Variants in TPRG1 observed in about 807,000 individuals in gnomAD.
The protein encoded by TPRG1 is tumor protein p63 regulated 1, also known as tumor protein p63-regulated gene 1 protein.
In TPRG1, 29 loss-of-function variants were observed where a neutral mutation model predicts 29.3. The observed-to-expected ratio is 0.99, with a 90% CI of 0.74 to 1.35. TPRG1 has a LOEUF of 1.35. Ranked by LOEUF, TPRG1 falls within the 40% of genes most tolerant of loss-of-function variation. The probability of loss-of-function intolerance (pLI) is 0.00; values close to 1 mark genes in which losing one functional copy is unlikely to be tolerated. For synonymous variants in TPRG1, 130 were observed against 116.8 expected, an observed-to-expected ratio of 1.11 and a Z score of -0.73; for missense variants, 327 against 335.0, an observed-to-expected ratio of 0.98 and a Z score of 0.19.
chr3:189,041,760 G>A (rs1030634338), intron 4 of TPRG1, among the ~76,000 whole-genome samples: 2 of 152,186 alleles, frequency 1.3e-5, no homozygotes, highest in Admixed American at 6.5e-5. Flanking sequence ...AAGTGGAGGC[G>A]AAGGGTTGGG....
intron 1 of TPRG1, chr3:189,123,546 T>C (rs1271230424): frequency 6.6e-6 from 1 of 152,196 alleles, no homozygotes. Flanking sequence ...AACAAAATGC[T>C]TTCTCTTCCT....
At chr3:189,065,751 A>G (rs1483337984) in intron 4 of TPRG1, among the ~76,000 whole-genome samples, 1 of 152,128 alleles carries the variant, frequency 6.6e-6, no homozygotes, top group East Asian at 1.9e-4. Flanking sequence ...GTCTGAGAAC[A>G]AGGCAAGGAT....
At chr3:189,226,399 A>G (rs1456118647) in intron 3 of TPRG1, among the ~76,000 whole-genome samples, 1 of 152,226 alleles carries the variant, frequency 6.6e-6, no homozygotes, top group African/African-American at 2.4e-5. Flanking sequence ...ACACTCGGAA[A>G]TTAAACATAC....
chr3:189,277,745 G>T (rs977512002), intron 4 of TPRG1, among the ~76,000 whole-genome samples: 2 of 152,166 alleles, frequency 1.3e-5, no homozygotes, highest in Non-Finnish European at 2.9e-5. Context: ...ATCAATCCAT[G>T]AATTCAAATG....
intron 4 of TPRG1, among the ~76,000 whole-genome samples, chr3:189,262,237 T>TAAGTATAAGTATAA (rs770339129): frequency 7.9e-5 from 12 of 151,796 alleles, no homozygotes; most frequent in Non-Finnish European, 1.6e-4. Context: ...AGTATAAGTA[T>TAAGTATAAGTATAA]AAGTATAAGT....
chr3:189,306,387 G>A (rs1300683988), intron 4 of TPRG1, among the ~76,000 whole-genome samples: 1 of 152,166 alleles, frequency 6.6e-6, no homozygotes, highest in African/African-American at 2.4e-5. Context: ...TTGATGGAAA[G>A]CAGAAGCTGA....
At position 189,017,582 on chromosome 3, in the gene TPRG1, G is replaced by C. The variant is rs970556143; in HGVS notation, c.-659-6168G>C. ...ACTCATCATTTTTTATGGCTGCATA[G>C]TATTCCATGGTGTATATGTGCCACA... On this transcript the variant is annotated intron_variant, in intron 3 of 10. Coordinates refer to the TPRG1 transcript ENST00000433971. Among the ~76,000 whole-genome samples, 47 of 152,268 alleles carry C rather than the reference G, an allele frequency of 3.1e-4. 2 individuals are homozygous for C. Among genetic ancestry groups the C allele is most frequent in the African/African-American group, 7.7e-4 (32 of 41,546 alleles).
chr3:189,089,386 T>G (rs553373971), intron 4 of TPRG1, among the ~76,000 whole-genome samples: 1 of 152,354 alleles, frequency 6.6e-6, no homozygotes, highest in South Asian at 2.1e-4. Flanking sequence ...TTGTCTAGAT[T>G]TTCAAATTTA....
At chr3:189,219,491 C>T in intron 3 of TPRG1, 1 of 835,892 alleles carries the variant, frequency 1.2e-6, no homozygotes, top group Non-Finnish European at 1.6e-6. Context: ...CTTGCAGTTT[C>T]CTATTACCTT....
intron 4 of TPRG1, among the ~76,000 whole-genome samples, chr3:189,297,316 G>A (rs1720109999): frequency 6.6e-6 from 1 of 152,088 alleles, no homozygotes; most frequent in African/African-American, 2.4e-5. Context: ...TTCCTGTCTT[G>A]CAATCAGGTA....
chr3:189,251,770 C>T (rs1482274731), intron 4 of TPRG1, among the ~76,000 whole-genome samples: 2 of 152,316 alleles, frequency 1.3e-5, no homozygotes, highest in African/African-American at 4.8e-5. Flanking sequence ...GCGGTTTTTC[C>T]CTATCTCAGT....
chr3:189,084,049 G>T (rs1717775084), intron 4 of TPRG1, among the ~76,000 whole-genome samples: 1 of 152,096 alleles, frequency 6.6e-6, no homozygotes, highest in Non-Finnish European at 1.5e-5. Context: ...TACTTGGGAG[G>T]CTGAGGCAGA....
At chr3:189,027,798 A>G (rs751876632) in intron 4 of TPRG1, among the ~76,000 whole-genome samples, 2 of 152,162 alleles carry the variant, frequency 1.3e-5, no homozygotes, top group East Asian at 3.9e-4. Context: ...AAAATGGAAA[A>G]TCAGGGCCAG....
chr3:189,136,596 A>C (rs1332095934), intron 3 of TPRG1, among the ~76,000 whole-genome samples: 1 of 152,216 alleles, frequency 6.6e-6, no homozygotes, highest in South Asian at 2.1e-4. Context: ...GACAACAAAG[A>C]TAAGTTTACT....
At chr3:189,286,985 G>A (rs1395179440) in intron 4 of TPRG1, among the ~76,000 whole-genome samples, 1 of 152,078 alleles carries the variant, frequency 6.6e-6, no homozygotes, top group Non-Finnish European at 1.5e-5. Context: ...GATTAACAGA[G>A]GCTTATACAG....
At chr3:189,219,221 TC>T (rs1334704799) in intron 3 of TPRG1, among the ~76,000 whole-genome samples, 3 of 152,212 alleles carry the variant, frequency 2.0e-5, no homozygotes, top group Non-Finnish European at 4.4e-5. Flanking sequence ...TTTGTGATTC[TC>T]TAAATTGATA....
intron 4 of TPRG1, among the ~76,000 whole-genome samples, chr3:189,266,116 C>T (rs575220702): frequency 6.6e-5 from 10 of 152,084 alleles, no homozygotes; most frequent in South Asian, 4.2e-4. Context: ...GCTTTGCTAC[C>T]GAATTATTTG....
chr3:189,045,989 G>A (rs946212904), intron 4 of TPRG1, among the ~76,000 whole-genome samples: 8 of 152,212 alleles, frequency 5.3e-5, no homozygotes, highest in South Asian at 4.1e-4. Context: ...GCAGGAAGAT[G>A]TTACTCAAAG....
At chr3:189,097,879 AACT>A (rs766562888), upstream of TPRG1, among the ~76,000 whole-genome samples, 48 of 152,330 alleles carry the variant, frequency 3.2e-4, 1 homozygote, top group Non-Finnish European at 5.9e-4. Flanking sequence ...ACAATTTGAG[AACT>A]ACTGATGGAA....
Sources: allele counts gnomAD v4.1 joint callset (sites outside exome capture counted in the v4.1 genomes callset), GRCh38; gene constraint gnomAD v4.1.1; transcripts MANE v1.5; gene names NCBI Gene and HGNC (gene_info 2026-07-23, HGNC 2026-07-21).